Variants in MGAT4C observed in about 807,000 individuals in gnomAD.
MGAT4C encodes alpha-1,3-mannosyl-glycoprotein 4-beta-N-acetylglucosaminyltransferase C.
A neutral mutation model predicts 40.1 loss-of-function variants in MGAT4C; 19 were observed. The ratio of observed to expected loss-of-function variants is 0.47; its 90% CI spans 0.33 to 0.70. The LOEUF is 0.70. Ranked by LOEUF, MGAT4C falls within the 30% of genes least tolerant of loss-of-function variation. MGAT4C has a pLI of 0.02. For synonymous variants in MGAT4C, 181 were observed against 187.1 expected, an observed-to-expected ratio of 0.97 and a Z score of 0.27; for missense variants, 491 against 563.2, an observed-to-expected ratio of 0.87 and a Z score of 1.30.
intron 4 of MGAT4C, among the ~76,000 whole-genome samples, chr12:86,311,600 C>T (rs1954075508): frequency 6.6e-6 from 1 of 152,136 alleles, no homozygotes. Context: ...ATGGGTATGG[C>T]ATCACTGGAA....
At chr12:86,557,303 T>C (rs1424239588) in intron 2 of MGAT4C, among the ~76,000 whole-genome samples, 2 of 152,148 alleles carry the variant, frequency 1.3e-5, no homozygotes, top group Admixed American at 6.5e-5. Flanking sequence ...TAATAAAATA[T>C]TTTTGGGAAA....
At chr12:86,763,976 CG>C (rs1651103163) in intron 1 of MGAT4C, among the ~76,000 whole-genome samples, 1 of 152,054 alleles carries the variant, frequency 6.6e-6, no homozygotes, top group South Asian at 2.1e-4. Flanking sequence ...TCTGAGGTAC[CG>C]GGTTCATATC....
At chr12:86,691,207 G>T (rs773922762) in intron 2 of MGAT4C, among the ~76,000 whole-genome samples, 32 of 152,164 alleles carry the variant, frequency 2.1e-4, no homozygotes, top group Non-Finnish European at 3.7e-4. Flanking sequence ...AGAACAACTA[G>T]AATATTTGAT....
intron 2 of MGAT4C, among the ~76,000 whole-genome samples, chr12:86,643,694 G>T (rs2136524914): frequency 6.6e-6 from 1 of 151,938 alleles, no homozygotes; most frequent in East Asian, 2.0e-4. Context: ...GGGAAAATGA[G>T]ATGTGACTTC....
chr12:86,077,485 A>G (rs545302025), intron 1 of MGAT4C, among the ~76,000 whole-genome samples: 2 of 152,228 alleles, frequency 1.3e-5, no homozygotes, highest in Non-Finnish European at 2.9e-5. Context: ...TGTTTTTAAC[A>G]AAAGGAGTAG....
intron 4 of MGAT4C, among the ~76,000 whole-genome samples, chr12:86,323,642 C>A (rs1392765326): frequency 6.6e-6 from 1 of 151,722 alleles, no homozygotes; most frequent in African/African-American, 2.4e-5. Flanking sequence ...ATATAACTAC[C>A]GTAGTAAATA....
At chr12:86,130,955 A>G (rs1881086241) in intron 1 of MGAT4C, among the ~76,000 whole-genome samples, 1 of 152,008 alleles carries the variant, frequency 6.6e-6, no homozygotes, top group African/African-American at 2.4e-5. Context: ...TATTTCTACT[A>G]TAATGTTGAC....
chr12:86,175,447 T>A (rs1053658660), intron 1 of MGAT4C, among the ~76,000 whole-genome samples: 1 of 152,170 alleles, frequency 6.6e-6, no homozygotes, highest in African/African-American at 2.4e-5. Flanking sequence ...CAGAACCTCA[T>A]CAGTTCTCAC....
At chr12:86,116,634 T>C (rs1878473245) in intron 1 of MGAT4C, among the ~76,000 whole-genome samples, 1 of 152,132 alleles carries the variant, frequency 6.6e-6, no homozygotes, top group African/African-American at 2.4e-5. Context: ...AAAAAATTTT[T>C]AACTCAAATT....
At chr12:86,009,940 T>A (rs751800678) in intron 2 of MGAT4C, among the ~76,000 whole-genome samples, 7 of 152,176 alleles carry the variant, frequency 4.6e-5, no homozygotes, top group Non-Finnish European at 8.8e-5. Flanking sequence ...TAAAGTGGTA[T>A]CACATATGTC....
chr12:86,816,007 A>T (rs1952598839), intron 1 of MGAT4C, among the ~76,000 whole-genome samples: 1 of 151,958 alleles, frequency 6.6e-6, no homozygotes, highest in Admixed American at 6.6e-5. Flanking sequence ...AAAAATCCTA[A>T]GGGTGAGAAA....
At chr12:85,993,103 T>C (rs1565827339) in intron 2 of MGAT4C, among the ~76,000 whole-genome samples, 1 of 152,152 alleles carries the variant, frequency 6.6e-6, no homozygotes, top group Non-Finnish European at 1.5e-5. Context: ...CTTTTCAAAT[T>C]AAAGGGGGTC....
chr12:86,601,074 T>C (rs1046613615), intron 2 of MGAT4C, among the ~76,000 whole-genome samples: 17 of 152,140 alleles, frequency 1.1e-4, no homozygotes, highest in Non-Finnish European at 1.9e-4. Flanking sequence ...GGCTGAAATG[T>C]TGGGTGCTGA....
intron 3 of MGAT4C, among the ~76,000 whole-genome samples, chr12:86,394,598 A>T (rs1175159862): frequency 5.1e-5 from 7 of 136,278 alleles, no homozygotes; most frequent in Non-Finnish European, 9.4e-5. Flanking sequence ...ATATTTATAT[A>T]TTTTATATAT....
At chr12:86,189,600 A>G (rs546209496) in intron 1 of MGAT4C, among the ~76,000 whole-genome samples, 1 of 152,050 alleles carries the variant, frequency 6.6e-6, no homozygotes, top group Non-Finnish European at 1.5e-5. Context: ...CAAATAAGGG[A>G]AACAGTCTAA....
At chr12:86,608,948 C>T (rs935303350) in intron 2 of MGAT4C, among the ~76,000 whole-genome samples, 3 of 151,910 alleles carry the variant, frequency 2.0e-5, no homozygotes, top group East Asian at 1.9e-4. Flanking sequence ...AGTCAACAAC[C>T]AGTTGAAACT....
intron 4 of MGAT4C, among the ~76,000 whole-genome samples, chr12:85,981,122 C>A (rs1057450006): frequency 2.0e-5 from 3 of 152,036 alleles, no homozygotes; most frequent in African/African-American, 7.2e-5. Flanking sequence ...AAGACATAAG[C>A]ACCACTTTAA....
At chr12:86,775,806 T>C (rs1951738072) in intron 1 of MGAT4C, among the ~76,000 whole-genome samples, 1 of 151,292 alleles carries the variant, frequency 6.6e-6, no homozygotes, top group Admixed American at 6.6e-5. Context: ...TTTCTATTTT[T>C]CTAAACTTTT....
chr12:86,108,341 C>T (rs534952975), intron 1 of MGAT4C, among the ~76,000 whole-genome samples: 8 of 152,180 alleles, frequency 5.3e-5, no homozygotes, highest in African/African-American at 1.9e-4. Context: ...TGAGGCCATG[C>T]CAGGCAAAGG....
Sources: gnomAD v4.1 joint callset for allele counts (sites outside exome capture counted in the v4.1 genomes callset) on GRCh38, gnomAD v4.1.1 for gene constraint, MANE v1.5 for transcripts, NCBI Gene and HGNC (gene_info 2026-07-23, HGNC 2026-07-21) for gene names.